PTPRD: variants seen among roughly 807,000 people sequenced by gnomAD.
PTPRD encodes the protein protein tyrosine phosphatase receptor type D.
In PTPRD, 34 loss-of-function variants were observed where a neutral mutation model predicts 214.5. The observed-to-expected ratio is 0.16, with a 90% confidence interval of 0.12 to 0.21. The LOEUF is 0.21. Among genes scored for constraint, PTPRD ranks in the 10% least tolerant of loss-of-function variants. The pLI is 1.00. For synonymous variants in PTPRD, 1,128 were observed against 845.7 expected, an observed-to-expected ratio of 1.33 and a Z score of -5.79; for missense variants, 2,545 against 2,398.7, an observed-to-expected ratio of 1.06 and a Z score of -1.27.
chr9:9,100,977 A>G (rs747779452), intron 10 of PTPRD, among the ~76,000 whole-genome samples: 1 of 151,542 alleles, frequency 6.6e-6, no homozygotes, highest in Non-Finnish European at 1.5e-5. Context: ...TTGTGAAAGC[A>G]GATTTATTTT....
At chr9:9,671,000 G>A (rs149242545) in intron 7 of PTPRD, among the ~76,000 whole-genome samples, 13 of 152,256 alleles carry the variant, frequency 8.5e-5, no homozygotes, top group African/African-American at 3.1e-4. Flanking sequence ...GGAGCTGTAA[G>A]AAGAGGGCCA....
intron 2 of PTPRD, among the ~76,000 whole-genome samples, chr9:10,573,687 T>A (rs1022753534): frequency 6.6e-6 from 1 of 152,152 alleles, no homozygotes; most frequent in African/African-American, 2.4e-5. Context: ...GACTCTTTCC[T>A]GGCCCCTAGT....
chr9:9,848,484 C>T (rs757420812), intron 5 of PTPRD, among the ~76,000 whole-genome samples: 2 of 152,142 alleles, frequency 1.3e-5, no homozygotes, highest in South Asian at 4.2e-4. Context: ...TGGCTTATTT[C>T]GTTTAATTCT....
At chr9:8,534,766 A>C (rs2076534801) in intron 14 of PTPRD, among the ~76,000 whole-genome samples, 1 of 151,840 alleles carries the variant, frequency 6.6e-6, no homozygotes, top group East Asian at 1.9e-4. Flanking sequence ...ACTTAAGAAA[A>C]AGTACGAACT....
chr9:9,185,910 C>T (rs1457653176), intron 9 of PTPRD, among the ~76,000 whole-genome samples: 1 of 151,348 alleles, frequency 6.6e-6, no homozygotes, highest in Admixed American at 6.6e-5. Context: ...ACACAAGTGC[C>T]TTTCTTTTCA....
chr9:10,212,228 GTTTGTGCAAGCAAAA>G (rs2099520620), intron 3 of PTPRD, among the ~76,000 whole-genome samples: 1 of 151,948 alleles, frequency 6.6e-6, no homozygotes, highest in South Asian at 2.1e-4. Flanking sequence ...TAAACATAAT[GTTTGTGCAAGCAAAA>G]GAAAGAGTAG....
intron 8 of PTPRD, among the ~76,000 whole-genome samples, chr9:9,427,200 G>C (rs2081297296): frequency 6.6e-6 from 1 of 152,156 alleles, no homozygotes. Flanking sequence ...AGAATAACCA[G>C]CTTAGAGAAG....
At chr9:10,085,253 C>T (rs148701308) in intron 3 of PTPRD, among the ~76,000 whole-genome samples, 3 of 151,692 alleles carry the variant, frequency 2.0e-5, no homozygotes, top group African/African-American at 4.8e-5. Context: ...ACTGACGTGG[C>T]GAGAATTTTT....
At chr9:9,317,689 T>C (rs1964034971) in intron 9 of PTPRD, among the ~76,000 whole-genome samples, 1 of 152,150 alleles carries the variant, frequency 6.6e-6, no homozygotes, top group South Asian at 2.1e-4. Context: ...TCCATGTTCC[T>C]AAATCCTTTA....
intron 11 of PTPRD, among the ~76,000 whole-genome samples, chr9:8,785,166 C>A (rs1394017355): frequency 6.6e-6 from 1 of 151,772 alleles, no homozygotes; most frequent in African/African-American, 2.4e-5. Context: ...CAAATATGTA[C>A]AAGAAAAGAA....
At chr9:8,648,302 A>C (rs1001621714) in intron 12 of PTPRD, among the ~76,000 whole-genome samples, 7 of 152,194 alleles carry the variant, frequency 4.6e-5, no homozygotes, top group Non-Finnish European at 8.8e-5. Context: ...AATCACCTAC[A>C]TTCTGTGTGC....
chr9:9,825,156 C>A (rs189577333), intron 5 of PTPRD, among the ~76,000 whole-genome samples: 1 of 151,746 alleles, frequency 6.6e-6, no homozygotes, highest in Non-Finnish European at 1.5e-5. Context: ...GACAATTCCC[C>A]TATCTGCCAT....
At chr9:8,957,143 G>A (rs990054534) in intron 11 of PTPRD, among the ~76,000 whole-genome samples, 2 of 151,762 alleles carry the variant, frequency 1.3e-5, no homozygotes, top group African/African-American at 4.8e-5. Flanking sequence ...GATGAATCTT[G>A]ACTCTCTCCT....
intron 41 of PTPRD, among the ~76,000 whole-genome samples, 179 bp from the exon 42 acceptor site, chr9:8,340,648 C>G (rs1851608658): frequency 6.6e-6 from 1 of 152,088 alleles, no homozygotes; most frequent in African/African-American, 2.4e-5. Flanking sequence ...ATTTTGGGGA[C>G]TTCGCAAACT....
At chr9:9,510,500 C>CT (rs1308289753) in intron 8 of PTPRD, among the ~76,000 whole-genome samples, 10 of 151,496 alleles carry the variant, frequency 6.6e-5, no homozygotes. Flanking sequence ...ATACTTGAAA[C>CT]TATACTGGTA....
intron 9 of PTPRD, among the ~76,000 whole-genome samples, chr9:9,342,152 G>A (rs1486892091): frequency 6.6e-6 from 1 of 152,092 alleles, no homozygotes; most frequent in Admixed American, 6.6e-5. Flanking sequence ...GAAATGACAG[G>A]AATATTGGAC....
At chr9:8,927,368 A>T (rs186671109) in intron 11 of PTPRD, among the ~76,000 whole-genome samples, 4 of 151,470 alleles carry the variant, frequency 2.6e-5, no homozygotes, top group African/African-American at 9.7e-5. Context: ...GCTATTCCCC[A>T]ACATGACAGG....
chr9:9,617,398 G>A (rs986523305), intron 7 of PTPRD, among the ~76,000 whole-genome samples: 1 of 152,166 alleles, frequency 6.6e-6, no homozygotes, highest in Non-Finnish European at 1.5e-5. Flanking sequence ...ATATAATATA[G>A]ACAATTAGAG....
intron 3 of PTPRD, among the ~76,000 whole-genome samples, chr9:10,184,037 G>A (rs1167543787): frequency 6.6e-6 from 1 of 152,080 alleles, no homozygotes; most frequent in African/African-American, 2.4e-5. Context: ...AGATCTAAAG[G>A]TATTTTTCCA....
Sources: gnomAD v4.1 joint callset for allele counts (sites outside exome capture counted in the v4.1 genomes callset) on GRCh38, gnomAD v4.1.1 for gene constraint, MANE v1.5 for transcripts, NCBI Gene and HGNC (gene_info 2026-07-23, HGNC 2026-07-21) for gene names.